The following PDE10A variants were observed in gnomAD, a reference collection of about 807,000 sequenced individuals.
The protein encoded by PDE10A is phosphodiesterase 10A, also known as cAMP and cAMP-inhibited cGMP 3',5'-cyclic phosphodiesterase 10A.
Under a neutral mutation model 97.7 loss-of-function variants are expected in PDE10A, and 39 were observed. The observed-to-expected ratio is 0.40, with a 90% CI of 0.31 to 0.52. PDE10A has a LOEUF of 0.52. Ranked by LOEUF, PDE10A falls within the 20% of genes least tolerant of loss-of-function variation. The probability of loss-of-function intolerance (pLI) is 0.56; values close to 1 mark genes in which losing one functional copy is unlikely to be tolerated. For missense variants in PDE10A, 731 were observed against 1,047.8 expected, an observed-to-expected ratio of 0.70 and a Z score of 4.17; for synonymous variants, 371 against 376.8, an observed-to-expected ratio of 0.98 and a Z score of 0.18.
chr6:165,524,728 T>C (rs1393046283), intron 2 of PDE10A, among the ~76,000 whole-genome samples: 2 of 152,166 alleles, frequency 1.3e-5, no homozygotes, highest in Non-Finnish European at 2.9e-5. Flanking sequence ...CAAGCTCTTA[T>C]CATGCAAGTG....
At chr6:165,919,581 T>A (rs1782697253) in intron 1 of PDE10A, among the ~76,000 whole-genome samples, 1 of 152,258 alleles carries the variant, frequency 6.6e-6, no homozygotes. Context: ...GTTCTTGCTC[T>A]TCCTCCTCTT....
intron 1 of PDE10A, among the ~76,000 whole-genome samples, chr6:165,887,628 T>G (rs1054153702): frequency 4.6e-5 from 7 of 152,138 alleles, no homozygotes; most frequent in Non-Finnish European, 8.8e-5. Context: ...ATGCTTAGAG[T>G]TATCTGGAAA....
chr6:165,826,177 CCTTTT>C (rs1417508716), intron 1 of PDE10A, among the ~76,000 whole-genome samples: 1 of 152,164 alleles, frequency 6.6e-6, no homozygotes, highest in Non-Finnish European at 1.5e-5. Context: ...AATGTCCTTG[CCTTTT>C]ATTTTCCTCA....
intron 5 of PDE10A, among the ~76,000 whole-genome samples, chr6:165,442,195 A>T (rs893857130): frequency 3.3e-5 from 5 of 152,166 alleles, no homozygotes; most frequent in Non-Finnish European, 7.3e-5. Flanking sequence ...CACAACGTGC[A>T]GGTTAGTTAC....
intron 1 of PDE10A, among the ~76,000 whole-genome samples, chr6:165,624,520 T>C (rs1253076490): frequency 2.0e-5 from 3 of 152,206 alleles, no homozygotes; most frequent in Admixed American, 2.0e-4. Context: ...TCCTAAGCCC[T>C]CCTAAAACTT....
At chr6:165,334,758 C>T (rs1167270171) in intron 21 of PDE10A, among the ~76,000 whole-genome samples, 2 of 152,048 alleles carry the variant, frequency 1.3e-5, no homozygotes, top group East Asian at 3.9e-4. Context: ...TCAATTAAGG[C>T]TCAACAGAAC....
chr6:165,812,697 ATG>A (rs1779312894), intron 1 of PDE10A, among the ~76,000 whole-genome samples: 1 of 152,216 alleles, frequency 6.6e-6, no homozygotes, highest in East Asian at 1.9e-4. Context: ...TTGATTTTAT[ATG>A]TTCTCCAGAT....
chr6:165,342,605 A>C (rs1393400792), intron 19 of PDE10A, among the ~76,000 whole-genome samples: 1 of 152,246 alleles, frequency 6.6e-6, no homozygotes, highest in South Asian at 2.1e-4. Context: ...TTCTGTATGA[A>C]TGAGATATAC....
At chr6:165,913,735 G>A (rs1360940858) in intron 1 of PDE10A, among the ~76,000 whole-genome samples, 8 of 152,140 alleles carry the variant, frequency 5.3e-5, no homozygotes, top group Non-Finnish European at 7.3e-5. Context: ...TCTGTAACCT[G>A]TGGGGTGAAA....
rs1381736016 is a variant in PDE10A, at chr6:165,328,255, G to C, written c.*4770C>G. ...TATCAGAGATACAGCATAGGACTGG[G>C]TATTAAGGTGACTAAAGAAAAAGAC... On this transcript the variant is annotated 3_prime_UTR_variant, in exon 22 of 22. Transcript: ENST00000539869. 9.9e-5 allele frequency: 15 copies of C among 152,106 alleles called. No homozygotes were observed. The highest frequency in any genetic ancestry group is 9.8e-4 in the Admixed American group (15 of 15,264). 9.4% of individuals were successfully genotyped at this position (152,106 alleles called of 1,614,324 possible).
intron 1 of PDE10A, among the ~76,000 whole-genome samples, chr6:165,912,456 C>T (rs546849365): frequency 1.2e-4 from 19 of 152,328 alleles, no homozygotes; most frequent in Admixed American, 3.3e-4. Flanking sequence ...CAACGCTCCA[C>T]CTTCTTGCTT....
At chr6:165,509,316 A>C (rs969236581) in intron 2 of PDE10A, among the ~76,000 whole-genome samples, 10 of 152,050 alleles carry the variant, frequency 6.6e-5, no homozygotes, top group Admixed American at 6.6e-4. Flanking sequence ...CAATTTTCCC[A>C]GCACCATTTA....
At chr6:165,741,650 C>T (rs986192798) in intron 1 of PDE10A, among the ~76,000 whole-genome samples, 2 of 152,076 alleles carry the variant, frequency 1.3e-5, no homozygotes. Context: ...GCACAGCATA[C>T]TATATATTAT....
At chr6:165,669,852 C>T (rs1790598335) in intron 1 of PDE10A, among the ~76,000 whole-genome samples, 1 of 152,226 alleles carries the variant, frequency 6.6e-6, no homozygotes, top group Non-Finnish European at 1.5e-5. Flanking sequence ...CAGAGAACCT[C>T]AGGCTGAAAG....
intron 1 of PDE10A, among the ~76,000 whole-genome samples, chr6:165,896,230 C>T (rs974267604): frequency 6.6e-6 from 1 of 152,174 alleles, no homozygotes; most frequent in Non-Finnish European, 1.5e-5. Flanking sequence ...CACCTTGTCC[C>T]AGCTAATACA....
At position 165,793,763 on chromosome 6, in the gene PDE10A, C is replaced by T. The variant is rs186707052; in HGVS notation, c.-615+193766G>A. ...CACTTTGCCTTCGGCTTGTAGTTCT[C>T]TGATACTCAAAATGAATACAGACCA... On this transcript the variant is annotated intron_variant, in intron 1 of 19. Coordinates refer to the PDE10A transcript ENST00000366882. Among the ~76,000 whole-genome samples, 383 of 152,280 alleles carry T rather than the reference C, an allele frequency of 2.5e-3. 2 individuals carry two copies. The highest frequency in any genetic ancestry group is 4.3e-3 in the Non-Finnish European group (295 of 68,022).
intron 2 of PDE10A, among the ~76,000 whole-genome samples, chr6:165,504,472 C>G (rs1781078025): frequency 6.6e-6 from 1 of 152,124 alleles, no homozygotes; most frequent in Admixed American, 6.5e-5. Context: ...GTCTCTAAGA[C>G]TCACGATGGT....
intron 15 of PDE10A, among the ~76,000 whole-genome samples, chr6:165,393,263 T>C (rs1785859925): frequency 6.6e-6 from 1 of 152,272 alleles, no homozygotes; most frequent in South Asian, 2.1e-4. Flanking sequence ...GTTACTATAC[T>C]TTCAAAGTAA....
chr6:165,802,667 G>T (rs772944902), intron 1 of PDE10A, among the ~76,000 whole-genome samples: 2 of 152,146 alleles, frequency 1.3e-5, no homozygotes, highest in Non-Finnish European at 2.9e-5. Flanking sequence ...CAGCTTCCTG[G>T]ACAACCTGGT....
Sources: gnomAD v4.1 joint callset for allele counts (sites outside exome capture counted in the v4.1 genomes callset) on GRCh38, gnomAD v4.1.1 for gene constraint, MANE v1.5 for transcripts, NCBI Gene and HGNC (gene_info 2026-07-23, HGNC 2026-07-21) for gene names.